The following ATL2 variants were observed in gnomAD, a reference collection of about 807,000 sequenced individuals.
ATL2 encodes atlastin GTPase 2, also known as atlastin-2.
ATL2 carries 31 observed loss-of-function variants against 73.9 expected under a neutral mutation model. The ratio of observed to expected loss-of-function variants is 0.42; its 90% confidence interval spans 0.32 to 0.57. The LOEUF is 0.57. Among genes scored for constraint, ATL2 ranks in the 20% least tolerant of loss-of-function variants. The pLI is 0.14. For missense variants in ATL2, 738 were observed against 702.6 expected (o/e 1.05, Z -0.57); for synonymous variants, 291 against 237.5 (o/e 1.23, Z -2.07).
rs140215774 is a variant in ATL2 at position 38,327,469 on chromosome 2, G to A, written c.364-8450C>T. 2.1e-3 allele frequency among the ~76,000 whole-genome samples: 282 copies of A among 137,496 alleles called. 1 individual carries two copies. Among genetic ancestry groups the A allele is most frequent in the Non-Finnish European group, 2.8e-3 (182 of 64,848 alleles). 90.2% of individuals were successfully genotyped at this position (137,496 alleles called of 152,430 possible). On this transcript the variant is annotated intron_variant, in intron 2 of 12. Coordinates refer to ENST00000378954, the MANE Select transcript of ATL2 (RefSeq NM_001135673.4). The stretch of plus-strand genomic sequence containing the variant: ...GATATATTAAGAGAGTACAGAAAAC[G>A]CAATCAAGTAAAATGTTCAATTAAA...
chr2:38,334,865 TATA>T (rs1243013113), intron 2 of ATL2, among the ~76,000 whole-genome samples: 1 of 136,040 alleles, frequency 7.4e-6, no homozygotes, highest in Non-Finnish European at 1.6e-5. Flanking sequence ...ATTTATATAT[TATA>T]TAATATATAT....
chr2:38,370,964 GA>G lies in ATL2; in HGVS notation c.118+6178del, dbSNP rs200520967. On this transcript the variant is annotated intron_variant, in intron 1 of 12. Transcript: ENST00000378954. The stretch of plus-strand genomic sequence containing the variant: ...CAAGGCTAGCCCCTATCTCGGGGGG[GA>G]AAAAAATAAGGAAAAAAATACAAAA... Among the ~76,000 whole-genome samples the G allele has an allele frequency of 2.4e-3, 355 of 150,306 alleles. 3 individuals carry two copies. The highest frequency in any genetic ancestry group is 7.6e-3 in the African/African-American group (312 of 40,902).
At chr2:38,371,696 G>A (rs769281368) in intron 1 of ATL2, among the ~76,000 whole-genome samples, 22 of 151,982 alleles carry the variant, frequency 1.4e-4, no homozygotes, top group East Asian at 1.9e-4. Context: ...TCAGGAGTTC[G>A]AGACCAGCCT....
chr2:38,325,695 CCAGTACACA>C (rs1558412040), intron 2 of ATL2, among the ~76,000 whole-genome samples: 2 of 9,244 alleles, frequency 2.2e-4, no homozygotes, highest in South Asian at 4.0e-3. Flanking sequence ...CACACACACA[CCAGTACACA>C]CACACACACA....
At chr2:38,309,251 G>T (rs1449153182) in intron 9 of ATL2, 128 bp downstream of exon 9, 2 of 926,188 alleles carry the variant, frequency 2.2e-6, no homozygotes, top group Non-Finnish European at 3.1e-6. Flanking sequence ...ATTCAAGGCA[G>T]AAAGATAAAT....
At chr2:38,366,427 T>C (rs1332486774) in intron 1 of ATL2, among the ~76,000 whole-genome samples, 5 of 152,244 alleles carry the variant, frequency 3.3e-5, no homozygotes. Flanking sequence ...TGCTTTTAAG[T>C]ATTTTTTAAG....
chr2:38,296,111 T>A lies in ATL2; in HGVS notation c.1635A>T (p.Val545=), dbSNP rs1425899913. 6.5e-7 allele frequency: 1 copy of A among 1,548,870 alleles called. No homozygotes were observed. Among genetic ancestry groups the A allele is most frequent in the Non-Finnish European group, 8.7e-7 (1 of 1,145,556 alleles). The change falls in exon 13 of 13, where the codon GTA becomes GTT. Residue 545 remains valine (V), a splice_region_variant and synonymous_variant. Transcript: ENST00000378954. ...TCAAATTATCACCCAGGGGCTTCAA[T>A]ACCTGTGGTATGAGAAATGTGCAAA... ...DQIAETLWEQ[V]LKPLGDNLME...
intron 1 of ATL2, chr2:38,376,139 A>G (rs766423279): frequency 2.0e-6 from 3 of 1,532,448 alleles, no homozygotes; most frequent in Non-Finnish European, 2.6e-6. Flanking sequence ...TTTACTATTT[A>G]TAAGCCTTTG....
At position 38,318,871 on chromosome 2, in the gene ATL2, A is replaced by G. The variant is rs373415549; in HGVS notation, c.498+14T>C. ...GAAAGAATACAGGGTAGAAAAGTAT[A>G]AACAGAATTTTACTTTAGTTCCATT... On this transcript the variant is annotated intron_variant, in intron 3 of 12. Coordinates refer to ENST00000378954, the MANE Select transcript of ATL2 (RefSeq NM_001135673.4). 1.2e-6 allele frequency: 2 copies of G among 1,609,354 alleles called. No homozygotes were observed. The highest frequency in any genetic ancestry group is 1.6e-4 in the Middle Eastern group (1 of 6,074).
chr2:38,359,068 A>C (rs74401947), intron 1 of ATL2, among the ~76,000 whole-genome samples: 1,603 of 152,258 alleles, frequency 0.011, 34 homozygotes, highest in African/African-American at 0.036. Context: ...AATTTTAAAG[A>C]CTCCAGGAAA....
chr2:38,349,371 T>C (rs1332737150), intron 1 of ATL2, among the ~76,000 whole-genome samples: 1 of 151,106 alleles, frequency 6.6e-6, no homozygotes, highest in African/African-American at 2.4e-5. Context: ...ATGTCCTTTG[T>C]AGGGACATGG....
intron 1 of ATL2, among the ~76,000 whole-genome samples, chr2:38,347,192 T>C (rs1021388442): frequency 1.3e-5 from 2 of 152,196 alleles, no homozygotes; most frequent in African/African-American, 4.8e-5. Context: ...TTACCATGGC[T>C]TCTATAGTCG....
chr2:38,301,219 T>G (rs1667174094), intron 9 of ATL2, among the ~76,000 whole-genome samples: 2 of 152,034 alleles, frequency 1.3e-5, no homozygotes, highest in African/African-American at 4.8e-5. Flanking sequence ...ATTCGCCCAC[T>G]TTAGCCTCCC....
At chr2:38,334,314 G>A (rs1028494029) in intron 2 of ATL2, among the ~76,000 whole-genome samples, 1 of 151,722 alleles carries the variant, frequency 6.6e-6, no homozygotes, top group Admixed American at 6.6e-5. Context: ...ACAGGCATGA[G>A]CCACCGAGCC....
chr2:38,362,347 G>A (rs1351497655), intron 1 of ATL2, among the ~76,000 whole-genome samples: 1 of 152,112 alleles, frequency 6.6e-6, no homozygotes, highest in Non-Finnish European at 1.5e-5. Context: ...CTAAAGAATG[G>A]TCAACACATT....
intron 4 of ATL2, among the ~76,000 whole-genome samples, chr2:38,316,600 A>T (rs896584207): frequency 3.3e-5 from 5 of 152,096 alleles, no homozygotes; most frequent in Non-Finnish European, 7.4e-5. Context: ...AATAATCATA[A>T]TCTTAATCTT....
intron 2 of ATL2, among the ~76,000 whole-genome samples, chr2:38,319,495 A>T (rs1041904941): frequency 6.6e-6 from 1 of 152,024 alleles, no homozygotes; most frequent in African/African-American, 2.4e-5. Context: ...GCTACTCAGC[A>T]GGCTGAGGTA....
chr2:38,339,459 G>C (rs562685884), intron 2 of ATL2, among the ~76,000 whole-genome samples: 26 of 152,160 alleles, frequency 1.7e-4, no homozygotes, highest in Middle Eastern at 3.4e-3. Context: ...GATAACATTA[G>C]AAGAAACTAG....
At chr2:38,314,038 A>G (rs1667895469) in intron 6 of ATL2, among the ~76,000 whole-genome samples, 1 of 152,228 alleles carries the variant, frequency 6.6e-6, no homozygotes, top group South Asian at 2.1e-4. Flanking sequence ...ACCCATTAAG[A>G]TTAACAATCA....
Sources: allele counts gnomAD v4.1 joint callset (sites outside exome capture counted in the v4.1 genomes callset), GRCh38; gene constraint gnomAD v4.1.1; transcripts MANE v1.5; gene names NCBI Gene and HGNC (gene_info 2026-07-23, HGNC 2026-07-21).